SMARCC1: variants seen among roughly 807,000 people sequenced by gnomAD.
SMARCC1 encodes SWI/SNF complex subunit SMARCC1.
In SMARCC1, 43 loss-of-function variants were observed where a neutral mutation model predicts 147.4. The ratio of observed to expected loss-of-function variants is 0.29; its 90% CI spans 0.23 to 0.38. The LOEUF (loss-of-function observed/expected upper bound fraction) is 0.38. Ranked by LOEUF, SMARCC1 falls within the 10% of genes least tolerant of loss-of-function variation. The pLI is 1.00. For synonymous variants in SMARCC1, 495 were observed against 484.4 expected, an observed-to-expected ratio of 1.02 and a Z score of -0.29; for missense variants, 1,119 against 1,381.1, an observed-to-expected ratio of 0.81 and a Z score of 3.01.
Position 47,633,346 on chromosome 3 carries a change from T to C in SMARCC1, c.2646+1844A>G, listed in dbSNP as rs937732629. Among the ~76,000 whole-genome samples the C allele has an allele frequency of 7.2e-5, 11 of 152,000 alleles. No homozygotes were observed. In the East Asian group the frequency reaches 1.7e-3, roughly 24 times the overall value. On this transcript the variant is annotated intron_variant, in intron 24 of 27. Coordinates refer to ENST00000254480, the MANE Select transcript of SMARCC1 (RefSeq NM_003074.4). The stretch of plus-strand genomic sequence containing the variant: ...GAAGAATTTCCTGGCTGAATAGCTA[T>C]GGAAAATGATGGAACCAGGAGTCAA...
chr3:47,737,760 A>G (rs2034461280), intron 4 of SMARCC1, among the ~76,000 whole-genome samples: 1 of 151,466 alleles, frequency 6.6e-6, no homozygotes, highest in African/African-American at 2.4e-5. Flanking sequence ...GGTTCACACC[A>G]TTCTCTTGCC....
At chr3:47,691,005 TGTTA>T (rs2033783047) in intron 12 of SMARCC1, among the ~76,000 whole-genome samples, 1 of 152,174 alleles carries the variant, frequency 6.6e-6, no homozygotes, top group African/African-American at 2.4e-5. Context: ...TACTAGAAAC[TGTTA>T]GTTTGACTTA....
chr3:47,688,321 T>A (rs142282598), intron 13 of SMARCC1, among the ~76,000 whole-genome samples: 149 of 138,392 alleles, frequency 1.1e-3, no homozygotes, highest in Non-Finnish European at 2.1e-3. Context: ...TTTTTTTTTT[T>A]AATCATAAGA....
Position 47,650,190 on chromosome 3 carries a change from G to T in SMARCC1, c.2320+11104C>A, listed in dbSNP as rs753788757. 3.3e-5 allele frequency among the ~76,000 whole-genome samples: 5 copies of T among 151,644 alleles called. No homozygotes were observed. In the South Asian group the frequency reaches 1.0e-3, roughly 32 times the overall value. ...ACTTGGGAGGCTGAGGCAGGAGAAC[G>T]GCGAGAACCCCAGAGGCGGAGCTTG... On this transcript the variant is annotated intron_variant, in intron 21 of 27. Coordinates refer to ENST00000254480, the MANE Select transcript of SMARCC1 (RefSeq NM_003074.4).
At chr3:47,768,350 C>T (rs941257773) in intron 2 of SMARCC1, among the ~76,000 whole-genome samples, 2 of 152,066 alleles carry the variant, frequency 1.3e-5, no homozygotes, top group African/African-American at 4.8e-5. Context: ...TGGCACTAAA[C>T]CAGGAATTGT....
intron 11 of SMARCC1, among the ~76,000 whole-genome samples, chr3:47,697,715 G>C (rs1191432062): frequency 6.6e-6 from 1 of 151,138 alleles, no homozygotes; most frequent in East Asian, 2.0e-4. Context: ...GAAAGTTAAA[G>C]ATCAATATCT....
At position 47,717,980 on chromosome 3, in the gene SMARCC1, C is replaced by A. The variant is rs192189232; in HGVS notation, c.716+2686G>T. 7.1e-4 allele frequency among the ~76,000 whole-genome samples: 108 copies of A among 151,254 alleles called. 1 individual carries two copies. In the East Asian group the frequency reaches 0.019, roughly 27 times the overall value. On this transcript the variant is annotated intron_variant, in intron 7 of 27. Coordinates refer to ENST00000254480, the MANE Select transcript of SMARCC1 (RefSeq NM_003074.4). ...ACCAGCCTGAACAACATACAGAGCA[C>A]CCCCCCTGCCCCCGCCAACAAAAAA... is the stretch of plus-strand genomic sequence containing the variant.
At chr3:47,695,724 A>G (rs1488368694) in intron 11 of SMARCC1, among the ~76,000 whole-genome samples, 6 of 143,848 alleles carry the variant, frequency 4.2e-5, no homozygotes, top group South Asian at 4.6e-4. Flanking sequence ...GATCATGCCA[A>G]TGCACTCCAG....
chr3:47,702,772 T>G (rs2106789114), intron 10 of SMARCC1, among the ~76,000 whole-genome samples: 1 of 152,264 alleles, frequency 6.6e-6, no homozygotes, highest in East Asian at 1.9e-4. Flanking sequence ...ACTATTTTTC[T>G]TTCTCTAATT....
At chr3:47,758,239 C>T (rs2034726792) in intron 2 of SMARCC1, among the ~76,000 whole-genome samples, 2 of 152,098 alleles carry the variant, frequency 1.3e-5, no homozygotes, top group Admixed American at 6.6e-5. Context: ...CACACCTCAA[C>T]CTCCTAAGTA....
At chr3:47,594,072 G>A (rs1449545207) in intron 26 of SMARCC1, among the ~76,000 whole-genome samples, 3 of 151,956 alleles carry the variant, frequency 2.0e-5, no homozygotes, top group South Asian at 4.2e-4. Context: ...GGCTGAGGCA[G>A]GAGAACTGCT....
chr3:47,626,325 T>G (rs2032809255), intron 24 of SMARCC1, among the ~76,000 whole-genome samples: 1 of 151,466 alleles, frequency 6.6e-6, no homozygotes, highest in African/African-American at 2.4e-5. Flanking sequence ...TTTTGTATTT[T>G]TAGTAGAGAC....
chr3:47,731,215 T>C (rs992561742), intron 5 of SMARCC1, among the ~76,000 whole-genome samples: 1 of 152,226 alleles, frequency 6.6e-6, no homozygotes, highest in Admixed American at 6.5e-5. Context: ...GTAGATTCCA[T>C]GTCAAGAAAG....
intron 2 of SMARCC1, 49 bp from the exon 3 acceptor site, chr3:47,746,042 AT>A: frequency 8.6e-7 from 1 of 1,168,950 alleles, no homozygotes; most frequent in Admixed American, 2.4e-5. Flanking sequence ...TTCTGACAAA[AT>A]TACTCATGTC....
At chr3:47,722,038 G>C (rs963791694) in intron 6 of SMARCC1, among the ~76,000 whole-genome samples, 1 of 151,898 alleles carries the variant, frequency 6.6e-6, no homozygotes, top group African/African-American at 2.4e-5. Context: ...AGGTGAAAAT[G>C]ACAGAATCAG....
intron 2 of SMARCC1, among the ~76,000 whole-genome samples, chr3:47,754,685 A>G (rs2034667325): frequency 6.6e-6 from 1 of 152,080 alleles, no homozygotes; most frequent in Admixed American, 6.6e-5. Context: ...CCCAGGTGCA[A>G]AAATCAAAGG....
At chr3:47,660,801 T>C (rs754814494) in intron 21 of SMARCC1, among the ~76,000 whole-genome samples, 10 of 152,162 alleles carry the variant, frequency 6.6e-5, no homozygotes, top group African/African-American at 1.2e-4. Context: ...TGGAATTAGA[T>C]AGTGGTGATA....
At chr3:47,599,308 G>C (rs1054476271) in intron 26 of SMARCC1, among the ~76,000 whole-genome samples, 1 of 152,062 alleles carries the variant, frequency 6.6e-6, no homozygotes, top group East Asian at 1.9e-4. Flanking sequence ...ACTTGAACCC[G>C]GGAGGTAGAG....
At chr3:47,777,320 T>G (rs2034987208) in intron 1 of SMARCC1, among the ~76,000 whole-genome samples, 1 of 151,030 alleles carries the variant, frequency 6.6e-6, no homozygotes, top group Admixed American at 6.8e-5. Flanking sequence ...CGACCTCAGG[T>G]GATCTGCCCG....
Sources: gnomAD v4.1 joint callset for allele counts (sites outside exome capture counted in the v4.1 genomes callset) on GRCh38, gnomAD v4.1.1 for gene constraint, MANE v1.5 for transcripts, NCBI Gene and HGNC (gene_info 2026-07-23, HGNC 2026-07-21) for gene names.